Variants in TENM2 observed in about 807,000 individuals in gnomAD.
TENM2 encodes teneurin transmembrane protein 2, also known as teneurin-2.
TENM2 carries 52 observed loss-of-function variants against 245.2 expected under a neutral mutation model. The ratio of observed to expected loss-of-function variants is 0.21; its 90% CI spans 0.17 to 0.27. The LOEUF (loss-of-function observed/expected upper bound fraction) is 0.27, where lower values mean the gene tolerates loss of function less well. Among genes scored for constraint, TENM2 ranks in the 10% least tolerant of loss-of-function variants. The probability of loss-of-function intolerance (pLI) is 1.00; values close to 1 mark genes in which losing one functional copy is unlikely to be tolerated. For synonymous variants in TENM2, 1,363 were observed against 1,438.9 expected (o/e 0.95, Z 1.19); for missense variants, 3,046 against 3,666.8 (o/e 0.83, Z 4.37).
chr5:167,642,157 T>A (rs866788741), intron 2 of TENM2, among the ~76,000 whole-genome samples: 2,886 of 131,832 alleles, frequency 0.022, 39 homozygotes, highest in Middle Eastern at 0.033. Context: ...AAAAAAAAAA[T>A]ATGTATATAT....
chr5:167,513,426 A>G (rs1284883589), intron 2 of TENM2, among the ~76,000 whole-genome samples: 1 of 152,188 alleles, frequency 6.6e-6, no homozygotes, highest in African/African-American at 2.4e-5. Context: ...CCTGCCTCCT[A>G]GAAGTTAAAG....
At chr5:167,988,717 A>G (rs887659851) in intron 4 of TENM2, among the ~76,000 whole-genome samples, 23 of 152,192 alleles carry the variant, frequency 1.5e-4, no homozygotes, top group Non-Finnish European at 7.3e-5. Context: ...TCATGCAGAG[A>G]GTTGAAGGCC....
chr5:167,325,584 T>C (rs1757030319), intron 1 of TENM2, among the ~76,000 whole-genome samples: 1 of 152,228 alleles, frequency 6.6e-6, no homozygotes, highest in Non-Finnish European at 1.5e-5. Context: ...ACAAGTGGAC[T>C]TACAAGACTT....
intron 2 of TENM2, among the ~76,000 whole-genome samples, chr5:167,839,316 G>A (rs1441564574): frequency 3.3e-5 from 5 of 152,130 alleles, no homozygotes; most frequent in Non-Finnish European, 5.9e-5. Context: ...CTCATTCAAC[G>A]AACAAATAAT....
rs1772785770 is a variant in TENM2 at position 167,871,043 on chromosome 5, G to T, written c.503-4943G>T. Among the ~76,000 whole-genome samples the T allele has an allele frequency of 2.6e-5, 4 of 152,278 alleles. No homozygotes were observed. In the East Asian group the frequency reaches 7.7e-4, roughly 29 times the overall value. On this transcript the variant is annotated intron_variant, in intron 2 of 28. Coordinates refer to ENST00000518659, the Ensembl canonical transcript of TENM2. ...CACTAATAATATTTACTGCTTTGGG[G>T]ATGGAGAGGAGATTGTAGTCCTTTG...
chr5:168,222,180 A>T (rs374416647), intron 23 of TENM2, among the ~76,000 whole-genome samples: 19 of 152,318 alleles, frequency 1.2e-4, no homozygotes, highest in South Asian at 1.0e-3. Flanking sequence ...AGAATTGAAG[A>T]ATGCAGCTTG....
chr5:167,177,577 A>G, the TENM2 span, among the ~76,000 whole-genome samples: 1 of 152,314 alleles, frequency 6.6e-6, no homozygotes, highest in East Asian at 1.9e-4. Context: ...ATTAATGAGA[A>G]GTGCCTTGGT....
At chr5:167,015,625 A>C in the TENM2 span, among the ~76,000 whole-genome samples, 9 of 152,204 alleles carry the variant, frequency 5.9e-5, no homozygotes, top group Non-Finnish European at 1.3e-4. Context: ...TTTCTGTGAA[A>C]TATTTACAAA....
chr5:167,864,864 T>G (rs1583222664), intron 2 of TENM2, among the ~76,000 whole-genome samples: 2 of 152,172 alleles, frequency 1.3e-5, no homozygotes, highest in Non-Finnish European at 2.9e-5. Context: ...AAGAGCTCAG[T>G]CAGTCTGAGC....
chr5:167,262,477 T>C, the TENM2 span, among the ~76,000 whole-genome samples: 1 of 151,752 alleles, frequency 6.6e-6, no homozygotes, highest in Admixed American at 6.6e-5. Flanking sequence ...ATGGTGCAGA[T>C]CAGCAGGGCA....
At chr5:167,183,649 C>T in the TENM2 span, among the ~76,000 whole-genome samples, 3 of 152,056 alleles carry the variant, frequency 2.0e-5, no homozygotes, top group Non-Finnish European at 2.9e-5. Context: ...AAGAGATCAA[C>T]CAGATTATTT....
chr5:167,951,226 T>C (rs569741847), intron 3 of TENM2, among the ~76,000 whole-genome samples: 5 of 152,190 alleles, frequency 3.3e-5, no homozygotes, highest in Non-Finnish European at 7.3e-5. Flanking sequence ...TTGTGTCAAA[T>C]TGCTTGTTTA....
At chr5:167,786,670 C>A (rs1258677316) in intron 2 of TENM2, among the ~76,000 whole-genome samples, 1 of 152,154 alleles carries the variant, frequency 6.6e-6, no homozygotes, top group East Asian at 1.9e-4. Flanking sequence ...AAGATTGAGA[C>A]CTTGGTCCAA....
chr5:167,184,085 A>C, the TENM2 span, among the ~76,000 whole-genome samples: 3 of 152,234 alleles, frequency 2.0e-5, no homozygotes, highest in Non-Finnish European at 4.4e-5. Flanking sequence ...TTCACTCAAA[A>C]GAACAGATTA....
chr5:168,107,320 C>T (rs532446238), intron 9 of TENM2, among the ~76,000 whole-genome samples: 1 of 152,312 alleles, frequency 6.6e-6, no homozygotes, highest in South Asian at 2.1e-4. Flanking sequence ...CTCCTCCCCA[C>T]CTCCAGAGTT....
chr5:167,434,589 A>G (rs1358559386), intron 2 of TENM2, among the ~76,000 whole-genome samples: 1 of 152,108 alleles, frequency 6.6e-6, no homozygotes. Flanking sequence ...TTATTCAATT[A>G]TGGAGCTTCT....
intron 2 of TENM2, among the ~76,000 whole-genome samples, chr5:167,807,332 T>C (rs570751728): frequency 1.5e-3 from 228 of 151,910 alleles, no homozygotes; most frequent in Non-Finnish European, 2.8e-3. Flanking sequence ...CCTAAAGCAA[T>C]TGCTCTGACA....
chr5:167,943,806 G>A (rs1779380690), intron 3 of TENM2, among the ~76,000 whole-genome samples: 1 of 152,094 alleles, frequency 6.6e-6, no homozygotes, highest in Non-Finnish European at 1.5e-5. Context: ...AAGATCCTTA[G>A]GGCAATTGAA....
At chr5:167,976,795 T>G (rs1782474239) in intron 4 of TENM2, among the ~76,000 whole-genome samples, 1 of 152,208 alleles carries the variant, frequency 6.6e-6, no homozygotes, top group South Asian at 2.1e-4. Context: ...AACTTTTGTT[T>G]AAAAATTTCA....
Sources: allele counts gnomAD v4.1 joint callset (sites outside exome capture counted in the v4.1 genomes callset), GRCh38; gene constraint gnomAD v4.1.1; transcripts MANE v1.5; gene names NCBI Gene and HGNC (gene_info 2026-07-23, HGNC 2026-07-21).